The following KCNT2 variants were observed in gnomAD, a reference collection of about 807,000 sequenced individuals.
KCNT2 encodes potassium channel subfamily T member 2.
KCNT2 carries 67 observed loss-of-function variants against 153.8 expected under a neutral mutation model. The observed-to-expected ratio is 0.44, with a 90% CI of 0.36 to 0.53. The LOEUF (loss-of-function observed/expected upper bound fraction) is 0.53. Among genes scored for constraint, KCNT2 ranks in the 20% least tolerant of loss-of-function variants. KCNT2 has a pLI of 0.00. For missense variants in KCNT2, 975 were observed against 1,354.8 expected (o/e 0.72, Z 4.40); for synonymous variants, 500 against 458.8 (o/e 1.09, Z -1.15).
chr1:196,287,296 G>A (rs1244005480), intron 22 of KCNT2, among the ~76,000 whole-genome samples: 29 of 152,022 alleles, frequency 1.9e-4, no homozygotes, highest in Admixed American at 1.6e-3. Context: ...AGGTTTTCCC[G>A]TGAATTTGAG....
chr1:196,426,346 G>A (rs1293918432), intron 10 of KCNT2, among the ~76,000 whole-genome samples: 1 of 151,926 alleles, frequency 6.6e-6, no homozygotes, highest in Non-Finnish European at 1.5e-5. Flanking sequence ...CCAGGCAGAA[G>A]CATTTAAGTA....
chr1:196,540,795 T>C (rs1323100409), intron 1 of KCNT2, among the ~76,000 whole-genome samples: 1 of 152,108 alleles, frequency 6.6e-6, no homozygotes, highest in Non-Finnish European at 1.5e-5. Flanking sequence ...GGCCAGGCGC[T>C]GTGGCTCACG....
chr1:196,228,406 T>G (rs761003911), intron 27 of KCNT2, 71 bp from the exon 28 acceptor site: 28 of 750,778 alleles, frequency 3.7e-5, no homozygotes, highest in Middle Eastern at 5.0e-4. Flanking sequence ...CACTGACACT[T>G]CATATTTCTA....
At position 196,400,586 on chromosome 1, in the gene KCNT2, A is replaced by C. The variant is rs530435637; in HGVS notation, c.1186-1915T>G. Among the ~76,000 whole-genome samples the C allele has an allele frequency of 2.6e-5, 4 of 151,908 alleles. No individual in the cohort carries two copies. The East Asian group carries it at 7.8e-4, about 30-fold the overall frequency. ...TTTTTCTTATTATGTGTATCATCTTAGTAATAGTGAAGTAATATCATTAAG... is the reference window on the plus strand; with the variant it reads ...TTTTTCTTATTATGTGTATCATCTTCGTAATAGTGAAGTAATATCATTAAG... On this transcript the variant is annotated intron_variant, in intron 12 of 27. Coordinates refer to ENST00000294725, the MANE Select transcript of KCNT2 (RefSeq NM_198503.5).
chr1:196,403,098 C>T (rs1004743203), intron 12 of KCNT2, among the ~76,000 whole-genome samples: 1 of 151,556 alleles, frequency 6.6e-6, no homozygotes, highest in Non-Finnish European at 1.5e-5. Flanking sequence ...ATGTAGGTCT[C>T]CACAAAAACA....
intron 22 of KCNT2, among the ~76,000 whole-genome samples, chr1:196,300,948 C>T (rs1661130897): frequency 1.3e-5 from 2 of 152,112 alleles, no homozygotes. Context: ...CTACAACCTC[C>T]TGTCAGTCCT....
intron 1 of KCNT2, among the ~76,000 whole-genome samples, chr1:196,509,830 A>T (rs1360445687): frequency 6.6e-6 from 1 of 152,186 alleles, no homozygotes; most frequent in Non-Finnish European, 1.5e-5. Flanking sequence ...TTGCAACTAA[A>T]CTAAATCTGA....
At chr1:196,246,249 C>A (rs1486180600) in intron 26 of KCNT2, among the ~76,000 whole-genome samples, 3 of 152,040 alleles carry the variant, frequency 2.0e-5, no homozygotes, top group African/African-American at 7.2e-5. Flanking sequence ...TACTTGTATC[C>A]TTTTATCCTT....
At chr1:196,279,967 T>C (rs1658940658) in intron 25 of KCNT2, among the ~76,000 whole-genome samples, 1 of 152,136 alleles carries the variant, frequency 6.6e-6, no homozygotes, top group African/African-American at 2.4e-5. Context: ...TGTATGTGTC[T>C]GATCTGAGCC....
At chr1:196,544,389 T>C (rs1052673173) in intron 1 of KCNT2, among the ~76,000 whole-genome samples, 9 of 152,092 alleles carry the variant, frequency 5.9e-5, no homozygotes, top group South Asian at 4.1e-4. Context: ...TTTAGAAATG[T>C]AAACTGGAAG....
intron 8 of KCNT2, among the ~76,000 whole-genome samples, chr1:196,454,646 CTT>C (rs1207788889): frequency 6.6e-6 from 1 of 151,748 alleles, no homozygotes; most frequent in East Asian, 2.0e-4. Context: ...TTTATTTTCT[CTT>C]GAGTATATAC....
intron 25 of KCNT2, among the ~76,000 whole-genome samples, chr1:196,261,911 G>A (rs1171362369): frequency 6.6e-6 from 1 of 151,448 alleles, no homozygotes; most frequent in African/African-American, 2.4e-5. Flanking sequence ...AAATGCTTCT[G>A]GTAATATATA....
intron 13 of KCNT2, among the ~76,000 whole-genome samples, chr1:196,379,825 G>C (rs567610326): frequency 6.6e-6 from 1 of 151,994 alleles, no homozygotes; most frequent in African/African-American, 2.4e-5. Context: ...GGCCTAACAG[G>C]CCTTATCTCT....
chr1:196,394,355 T>A (rs1670741242), intron 13 of KCNT2, among the ~76,000 whole-genome samples: 1 of 151,508 alleles, frequency 6.6e-6, no homozygotes, highest in South Asian at 2.1e-4. Context: ...GATAATGGCG[T>A]AGACTAGGGT....
intron 25 of KCNT2, among the ~76,000 whole-genome samples, chr1:196,275,890 T>C (rs1463471343): frequency 6.6e-6 from 1 of 152,032 alleles, no homozygotes; most frequent in African/African-American, 2.4e-5. Context: ...CCTTTACATC[T>C]GTTAGTGCTT....
At chr1:196,467,370 T>C (rs1468854908) in intron 7 of KCNT2, among the ~76,000 whole-genome samples, 1 of 152,124 alleles carries the variant, frequency 6.6e-6, no homozygotes, top group Non-Finnish European at 1.5e-5. Context: ...TACAGCAGAC[T>C]GGTCATTTAA....
chr1:196,541,400 A>T (rs6690834), intron 1 of KCNT2, among the ~76,000 whole-genome samples: 144,857 of 150,906 alleles, frequency 0.96, 69,469 homozygotes, highest in Middle Eastern at 1. Context: ...AAACTAAGAT[A>T]TTTTTTTTCT....
intron 1 of KCNT2, among the ~76,000 whole-genome samples, chr1:196,573,113 T>A (rs888925243): frequency 2.4e-4 from 36 of 152,106 alleles, no homozygotes; most frequent in African/African-American, 8.2e-4. Context: ...CTGCTTATCC[T>A]TCACAGAAAT....
chr1:196,252,870 A>G (rs1656107134), intron 26 of KCNT2, among the ~76,000 whole-genome samples: 1 of 151,170 alleles, frequency 6.6e-6, no homozygotes, highest in Non-Finnish European at 1.5e-5. Flanking sequence ...TACTCTCAAG[A>G]TGCCTTTCTA....
Sources: gnomAD v4.1 joint callset for allele counts (sites outside exome capture counted in the v4.1 genomes callset) on GRCh38, gnomAD v4.1.1 for gene constraint, MANE v1.5 for transcripts, NCBI Gene and HGNC (gene_info 2026-07-23, HGNC 2026-07-21) for gene names.